SDK1: variants seen among roughly 807,000 people sequenced by gnomAD.
SDK1 encodes protein sidekick-1.
SDK1 carries 157 observed loss-of-function variants against 245.5 expected under a neutral mutation model. That is an observed-to-expected ratio of 0.64 (90% CI 0.56 to 0.73). The LOEUF (loss-of-function observed/expected upper bound fraction) is 0.73, where lower values mean the gene tolerates loss of function less well. Among genes scored for constraint, SDK1 ranks in the 30% least tolerant of loss-of-function variants. SDK1 has a pLI of 0.00. For synonymous variants in SDK1, 1,647 were observed against 1,278.5 expected (o/e 1.29, Z -6.15); for missense variants, 3,583 against 3,002.3 (o/e 1.19, Z -4.52).
intron 1 of SDK1, among the ~76,000 whole-genome samples, chr7:3,405,390 C>G (rs1221211887): frequency 2.0e-5 from 3 of 152,044 alleles, no homozygotes; most frequent in African/African-American, 7.2e-5. Flanking sequence ...CACTGAAGTG[C>G]CCAAGTTGCA....
At chr7:3,633,030 C>G (rs1025945224) in intron 2 of SDK1, among the ~76,000 whole-genome samples, 2 of 151,910 alleles carry the variant, frequency 1.3e-5, no homozygotes, top group Non-Finnish European at 2.9e-5. Context: ...GATGTATTTC[C>G]AAGAAGGACA....
chr7:3,637,120 G>C (rs4722983), intron 2 of SDK1, among the ~76,000 whole-genome samples: 95,097 of 151,390 alleles, frequency 0.63, 30,214 homozygotes, highest in South Asian at 0.77. Flanking sequence ...TGTTTTGAGA[G>C]AGTGTCTTGC....
intron 1 of SDK1, among the ~76,000 whole-genome samples, chr7:3,490,407 G>A (rs757503964): frequency 6.6e-6 from 1 of 152,128 alleles, no homozygotes; most frequent in Admixed American, 6.5e-5. Context: ...CACTGTATCC[G>A]GTGTGAAATA....
intron 1 of SDK1, among the ~76,000 whole-genome samples, chr7:3,391,486 G>A (rs768181317): frequency 2.0e-4 from 30 of 151,246 alleles, no homozygotes; most frequent in Non-Finnish European, 3.2e-4. Context: ...TTTCCTTTAC[G>A]TTTTCTGTTG....
At chr7:4,222,130 G>A (rs540744216) in intron 40 of SDK1, among the ~76,000 whole-genome samples, 93 of 152,282 alleles carry the variant, frequency 6.1e-4, no homozygotes, top group African/African-American at 2.2e-3. Flanking sequence ...CAATCTGGCA[G>A]GACCACGGTG....
At chr7:3,752,450 G>C (rs1042423727) in intron 4 of SDK1, among the ~76,000 whole-genome samples, 1 of 152,154 alleles carries the variant, frequency 6.6e-6, no homozygotes, top group Non-Finnish European at 1.5e-5. Context: ...AACAAGATGA[G>C]GAAAGAAGAG....
chr7:4,062,578 GA>G (rs1411492297), intron 19 of SDK1, among the ~76,000 whole-genome samples: 3 of 152,092 alleles, frequency 2.0e-5, no homozygotes, highest in African/African-American at 7.2e-5. Context: ...AAAAATTAAA[GA>G]AGAGGAAATT....
intron 14 of SDK1, among the ~76,000 whole-genome samples, chr7:3,989,171 A>C (rs866204959): frequency 6.6e-6 from 1 of 152,228 alleles, no homozygotes; most frequent in Non-Finnish European, 1.5e-5. Context: ...TTACAGAGGA[A>C]AGAGGTTTAA....
chr7:3,646,982 G>T (rs1256009298), intron 4 of SDK1, among the ~76,000 whole-genome samples: 1 of 152,200 alleles, frequency 6.6e-6, no homozygotes, highest in Non-Finnish European at 1.5e-5. Flanking sequence ...TGTTTAATGG[G>T]TACAGAGTTT....
Position 4,268,801 on chromosome 7 carries a change from C to A in SDK1, c.*3417C>A. 7.7e-7 allele frequency: 1 copy of A among 1,298,950 alleles called. No homozygotes were observed. The highest frequency in any genetic ancestry group is 1.0e-6 in the Non-Finnish European group (1 of 959,480). 80.5% of individuals were successfully genotyped at this position (1,298,950 alleles called of 1,614,324 possible). A position where few individuals can be genotyped will look rare whatever the true frequency, so the allele number is the denominator to read the frequency against. On this transcript the variant is annotated 3_prime_UTR_variant, in exon 45 of 45. Coordinates refer to ENST00000404826, the MANE Select transcript of SDK1 (RefSeq NM_152744.4). The stretch of plus-strand genomic sequence containing the variant: ...ACAACGTGGAAACTCATGAGCTGAG[C>A]CTGCCCGCTGGGACACGTCTCCTTC...
At chr7:3,415,711 T>G (rs1323912169) in intron 1 of SDK1, among the ~76,000 whole-genome samples, 1 of 149,516 alleles carries the variant, frequency 6.7e-6, no homozygotes, top group African/African-American at 2.4e-5. Flanking sequence ...TATATATAAA[T>G]TATATATAAA....
intron 4 of SDK1, among the ~76,000 whole-genome samples, chr7:3,654,388 G>A (rs1025943834): frequency 1.6e-4 from 24 of 152,148 alleles, no homozygotes; most frequent in Admixed American, 5.9e-4. Context: ...CCCTGTCACC[G>A]CGCTTTATTC....
intron 4 of SDK1, among the ~76,000 whole-genome samples, chr7:3,728,108 A>G (rs373867671): frequency 1.3e-5 from 2 of 152,230 alleles, no homozygotes; most frequent in African/African-American, 4.8e-5. Context: ...GGAAGACAGC[A>G]GAAGTGAAGT....
rs527778187 is a variant in SDK1 at position 4,189,924 on chromosome 7, G to A, written c.5098+11338G>A. ...TGTTTTTAAGAATGAAAAAATTGTC[G>A]TACAATATGGGTCCCACCTTTCTTC... On this transcript the variant is annotated intron_variant, in intron 35 of 44. Transcript: ENST00000404826. Among the ~76,000 whole-genome samples the A allele has an allele frequency of 4.1e-4, 62 of 152,122 alleles. 2 individuals are homozygous for A. Among genetic ancestry groups the A allele is most frequent in the South Asian group, 1.0e-3 (5 of 4,822 alleles).
intron 14 of SDK1, among the ~76,000 whole-genome samples, chr7:3,989,857 C>A (rs1784163929): frequency 6.6e-6 from 1 of 152,232 alleles, no homozygotes; most frequent in African/African-American, 2.4e-5. Context: ...CACAGCCACA[C>A]AGTTTAATCC....
At chr7:3,456,660 A>T (rs2128593467) in intron 1 of SDK1, among the ~76,000 whole-genome samples, 1 of 152,264 alleles carries the variant, frequency 6.6e-6, no homozygotes, top group East Asian at 1.9e-4. Flanking sequence ...GGCTGCTTTA[A>T]AATCCTTGTC....
At chr7:3,349,778 A>AT (rs1780608945) in intron 1 of SDK1, among the ~76,000 whole-genome samples, 1 of 150,426 alleles carries the variant, frequency 6.6e-6, no homozygotes, top group Non-Finnish European at 1.5e-5. Flanking sequence ...TTTTTTTTGT[A>AT]TTTTTAGTAG....
At chr7:4,198,775 C>T (rs995850057) in intron 35 of SDK1, among the ~76,000 whole-genome samples, 3 of 151,728 alleles carry the variant, frequency 2.0e-5, no homozygotes, top group African/African-American at 4.8e-5. Flanking sequence ...CTTAACCCCT[C>T]GAAGCCTCAG....
At chr7:4,074,912 A>ATTTTTTTTT (rs1410736866) in intron 20 of SDK1, among the ~76,000 whole-genome samples, 1 of 76,574 alleles carries the variant, frequency 1.3e-5, no homozygotes, top group African/African-American at 1.0e-4. Context: ...ATATATATAT[A>ATTTTTTTTT]TATATTTTTT....
Sources: gnomAD v4.1 joint callset for allele counts (sites outside exome capture counted in the v4.1 genomes callset) on GRCh38, gnomAD v4.1.1 for gene constraint, MANE v1.5 for transcripts, NCBI Gene and HGNC (gene_info 2026-07-23, HGNC 2026-07-21) for gene names.